The following PCDHGA7 variants were observed in gnomAD, a reference collection of about 807,000 sequenced individuals.
The protein encoded by PCDHGA7 is protocadherin gamma-A7.
Under a neutral mutation model 58.3 loss-of-function variants are expected in PCDHGA7, and 44 were observed. That is an observed-to-expected ratio of 0.75 (90% confidence interval 0.59 to 0.97). The LOEUF (loss-of-function observed/expected upper bound fraction) is 0.97, where lower values mean the gene tolerates loss of function less well. Ranked by LOEUF, PCDHGA7 falls within the 50% of genes least tolerant of loss-of-function variation. The pLI, the probability that PCDHGA7 is intolerant of heterozygous loss-of-function variation, is 0.00. For synonymous variants in PCDHGA7, 516 were observed against 504.2 expected, an observed-to-expected ratio of 1.02 and a Z score of -0.31; for missense variants, 1,266 against 1,188.7, an observed-to-expected ratio of 1.06 and a Z score of -0.96.
intron 1 of PCDHGA7, chr5:141,403,389 C>A (rs764725441): frequency 1.9e-6 from 3 of 1,614,050 alleles, no homozygotes; most frequent in Non-Finnish European, 2.5e-6. Flanking sequence ...AACGAAATCG[C>A]GGTTCCTGGA....
At position 141,493,726 on chromosome 5, in the gene PCDHGA7, G is replaced by C. The variant is rs1032021616; in HGVS notation, c.2425-1081G>C. ...CTGGAATGCTAGGTTTCTGGGTTCT[G>C]CTCATATCACTGCCACCTGTGAGCC... On this transcript the variant is annotated intron_variant, in intron 1 of 3. Coordinates refer to ENST00000518325, the MANE Select transcript of PCDHGA7 (RefSeq NM_018920.4). This position sits in a 1 kb window ranked among gnomAD's most constrained non-coding sequence, Gnocchi z 4.3. Among the ~76,000 whole-genome samples, 2 of 152,154 alleles carry C rather than the reference G, an allele frequency of 1.3e-5. No individual in the cohort carries two copies. Among genetic ancestry groups the C allele is most frequent in the African/African-American group, 4.8e-5 (2 of 41,438 alleles).
intron 3 of PCDHGA7, among the ~76,000 whole-genome samples, chr5:141,509,781 T>TCATC (rs1198131164): frequency 6.6e-6 from 1 of 152,116 alleles, no homozygotes; most frequent in Non-Finnish European, 1.5e-5. Flanking sequence ...GTCCCCGAGA[T>TCATC]CATCATCTCC....
At chr5:141,497,595 A>C (rs973413640) in intron 2 of PCDHGA7, among the ~76,000 whole-genome samples, 1 of 147,414 alleles carries the variant, frequency 6.8e-6, no homozygotes, top group East Asian at 2.0e-4. Context: ...GCTGGAGTGC[A>C]GTGGTGCGAT....
rs759146011 is a variant in PCDHGA7, at chr5:141,477,635, G to A, written c.2425-17172G>A. 6.2e-7 allele frequency: 1 copy of A among 1,614,138 alleles called. No homozygotes were observed. The highest frequency in any genetic ancestry group is 8.5e-7 in the Non-Finnish European group (1 of 1,180,040). On this transcript the variant is annotated intron_variant, in intron 1 of 3. Coordinates refer to ENST00000518325, the MANE Select transcript of PCDHGA7 (RefSeq NM_018920.4). This position sits in a 1 kb window ranked among gnomAD's most constrained non-coding sequence, Gnocchi z 4.9. ...GCAAGGAGCTGAAACCGGGCTAGTG[G>A]GTCGCTATTTCACAATAAATCGTGA...
rs190948188 is a variant in PCDHGA7 at position 141,505,972 on chromosome 5, C to T, written c.2572+491C>T. Among the ~76,000 whole-genome samples the T allele has an allele frequency of 5.4e-4, 82 of 152,250 alleles. 1 individual carries two copies. The highest frequency in any genetic ancestry group is 1.9e-3 in the African/African-American group (79 of 41,558). ...GAAAGTGGGTGTAGAAATCCCCAGC[C>T]GAGAGAACACCTCCTCTTTATGCGA... On this transcript the variant is annotated intron_variant, in intron 3 of 3. Transcript: ENST00000518325.
At position 141,399,508 on chromosome 5, in the gene PCDHGA7, A is replaced by C. The variant is rs780948105; in HGVS notation, c.2424+14185A>C. ...CTACTTAGTCAGTGTACCCGAAAAC[A>C]ACCCTCCTGGGGCCTCCATCGCGCA... On this transcript the variant is annotated intron_variant, in intron 1 of 3. Coordinates refer to ENST00000518325, the MANE Select transcript of PCDHGA7 (RefSeq NM_018920.4). 3.2e-5 allele frequency: 51 copies of C among 1,613,904 alleles called. No homozygotes were observed. In the African/African-American group the frequency reaches 6.7e-4, roughly 21 times the overall value.
rs1228384684 is a variant in PCDHGA7 at position 141,432,189 on chromosome 5, A to G, written c.2424+46866A>G. On this transcript the variant is annotated intron_variant, in intron 1 of 3. Coordinates refer to ENST00000518325, the MANE Select transcript of PCDHGA7 (RefSeq NM_018920.4). This position sits in a 1 kb window ranked among gnomAD's most constrained non-coding sequence, Gnocchi z 6.0. The stretch of plus-strand genomic sequence containing the variant: ...GTTTCCCTCGTCTCTGTGACCGCCC[A>G]CGACCCCGACTGTGAAGAGAACGCC... 6.2e-6 allele frequency: 10 copies of G among 1,613,964 alleles called. No homozygotes were observed. Among genetic ancestry groups the G allele is most frequent in the African/African-American group, 1.3e-5 (1 of 74,878 alleles).
intron 1 of PCDHGA7, among the ~76,000 whole-genome samples, chr5:141,465,140 G>A (rs1019369475): frequency 5.3e-5 from 8 of 151,554 alleles, no homozygotes; most frequent in Non-Finnish European, 7.4e-5. Context: ...AAGTTTAGGG[G>A]ATATATGAAG....
chr5:141,512,275 A>G lies in PCDHGA7; in HGVS notation c.*1102A>G, dbSNP rs368275103. 1 of 152,730 alleles carries G rather than the reference A, an allele frequency of 6.5e-6. No individual in the cohort carries two copies. The highest frequency in any genetic ancestry group is 2.1e-4 in the South Asian group (1 of 4,824). The allele number at this position is 152,730 out of a possible 1,614,324, so 9.5% of individuals were successfully genotyped here. ...GGGTGCTGGGTACTCCAGAGGTGCC[A>G]CTGGTGGAAGGGTCAGCGGAGCCCC... On this transcript the variant is annotated 3_prime_UTR_variant, in exon 4 of 4. Transcript: ENST00000518325.
At chr5:141,504,134 A>G (rs73280371) in intron 2 of PCDHGA7, among the ~76,000 whole-genome samples, 139 of 152,168 alleles carry the variant, frequency 9.1e-4, no homozygotes, top group African/African-American at 3.1e-3. Flanking sequence ...TCCCGCCAAC[A>G]CTCCCCTGCA....
Position 141,393,813 on chromosome 5 carries a change from C to T in PCDHGA7, c.2424+8490C>T, listed in dbSNP as rs376904307. On this transcript the variant is annotated intron_variant, in intron 1 of 3. Coordinates refer to ENST00000518325, the MANE Select transcript of PCDHGA7 (RefSeq NM_018920.4). ...GGCACTTCTGGGGAGGACCAAATTGCTCATTTCGGTGGAAGATGTAAATGA... is the reference window on the plus strand; with the variant it reads ...GGCACTTCTGGGGAGGACCAAATTGTTCATTTCGGTGGAAGATGTAAATGA... 4.3e-6 allele frequency: 7 copies of T among 1,613,812 alleles called. 1 individual carries two copies. The East Asian group carries it at 8.9e-5, about 21-fold the overall frequency.
At chr5:141,475,553 TTGTC>T (rs2099365287) in intron 1 of PCDHGA7, among the ~76,000 whole-genome samples, 2 of 152,260 alleles carry the variant, frequency 1.3e-5, no homozygotes, top group Non-Finnish European at 2.9e-5. Context: ...GTCCGGCTAA[TTGTC>T]TGTCTTCCAA....
At chr5:141,413,840 G>T (rs1323659502) in intron 1 of PCDHGA7, 1 of 1,613,306 alleles carries the variant, frequency 6.2e-7, no homozygotes, top group Non-Finnish European at 8.5e-7. Flanking sequence ...TCCGACGGGG[G>T]TGACCCTCTC....
At chr5:141,468,965 T>C (rs2099187692) in intron 1 of PCDHGA7, among the ~76,000 whole-genome samples, 1 of 151,738 alleles carries the variant, frequency 6.6e-6, no homozygotes, top group Admixed American at 6.6e-5. Context: ...TTTTTTACCT[T>C]AGGCTTTTGA....
In PCDHGA7 at chr5:141,422,057, A is replaced by T. The variant is rs1356083259; in HGVS notation, c.2424+36734A>T. 3.1e-6 allele frequency: 5 copies of T among 1,611,974 alleles called. No individual in the cohort carries two copies. The South Asian group carries it at 5.5e-5, about 18-fold the overall frequency. On this transcript the variant is annotated intron_variant, in intron 1 of 3. Transcript: ENST00000518325. The stretch of plus-strand genomic sequence containing the variant: ...GATCCAGACGAGGGAATCAACGGGG[A>T]AGTAATGTATTCATTTCGGAACATG...
At chr5:141,405,029 C>A (rs565871444) in intron 1 of PCDHGA7, 1 of 1,613,976 alleles carries the variant, frequency 6.2e-7, no homozygotes, top group South Asian at 1.1e-5. Context: ...TACCCTCTAC[C>A]TCGTTGTGGC....
At position 141,487,382 on chromosome 5, in the gene PCDHGA7, T is replaced by A. The variant is rs755316738; in HGVS notation, c.2425-7425T>A. 6.2e-7 allele frequency: 1 copy of A among 1,614,172 alleles called. No individual in the cohort carries two copies. The highest frequency in any genetic ancestry group is 2.2e-5 in the East Asian group (1 of 44,854). On this transcript the variant is annotated intron_variant, in intron 1 of 3. Transcript: ENST00000518325. The surrounding 1 kb of genome is among the most constrained non-coding windows in gnomAD (Gnocchi z 5.0). ...TGGCACCTGTGCCTGTCTCACCAGA[T>A]CTCGAAGGAGGGAGGGGCTTCCCCC...
Position 141,486,986 on chromosome 5 carries a change from T to C in PCDHGA7, c.2425-7821T>C. Reference sequence around the variant, plus strand: ...GGACTTGGATTCAGGTTACAATGCTTGGGTTTCCTATCAGCTCCTGGAGGC... The same window carrying C: ...GGACTTGGATTCAGGTTACAATGCTCGGGTTTCCTATCAGCTCCTGGAGGC... On this transcript the variant is annotated intron_variant, in intron 1 of 3. Coordinates refer to ENST00000518325, the MANE Select transcript of PCDHGA7 (RefSeq NM_018920.4). The surrounding 1 kb of genome is among the most constrained non-coding windows in gnomAD (Gnocchi z 5.0). 6.2e-7 allele frequency: 1 copy of C among 1,614,214 alleles called. No homozygotes were observed. Among genetic ancestry groups the C allele is most frequent in the South Asian group, 1.1e-5 (1 of 91,088 alleles).
chr5:141,416,063 A>G (rs546746824), intron 1 of PCDHGA7: 201 of 176,914 alleles, frequency 1.1e-3, no homozygotes, highest in Non-Finnish European at 1.8e-3. Flanking sequence ...ATCCAAGAAT[A>G]CTCAATGCAG....
Sources: gnomAD v4.1 joint callset for allele counts (sites outside exome capture counted in the v4.1 genomes callset) on GRCh38, gnomAD v4.1.1 for gene constraint, Gnocchi (gnomAD v3.1) non-coding constraint, MANE v1.5 for transcripts, NCBI Gene and HGNC (gene_info 2026-07-23, HGNC 2026-07-21) for gene names.